ITSN1: variants seen among roughly 807,000 people sequenced by gnomAD.
The protein encoded by ITSN1 is intersectin 1, also known as intersectin-1.
Under a neutral mutation model 239.8 loss-of-function variants are expected in ITSN1, and 58 were observed. The observed-to-expected ratio is 0.24, with a 90% CI of 0.20 to 0.30. The LOEUF (loss-of-function observed/expected upper bound fraction) is 0.30, where lower values mean the gene tolerates loss of function less well. Among genes scored for constraint, ITSN1 ranks in the 10% least tolerant of loss-of-function variants. ITSN1 has a pLI of 1.00. For missense variants in ITSN1, 1,558 were observed against 2,103.3 expected, an observed-to-expected ratio of 0.74 and a Z score of 5.07; for synonymous variants, 780 against 770.8, an observed-to-expected ratio of 1.01 and a Z score of -0.20.
At chr21:33,717,234 T>C (rs987953327) in intron 1 of ITSN1, among the ~76,000 whole-genome samples, 35 of 152,044 alleles carry the variant, frequency 2.3e-4, no homozygotes, top group African/African-American at 8.5e-4. Flanking sequence ...CTCTCTCCAG[T>C]TGCTCAGGCT....
At chr21:33,711,645 C>G (rs1021984894) in intron 1 of ITSN1, among the ~76,000 whole-genome samples, 1 of 107,948 alleles carries the variant, frequency 9.3e-6, no homozygotes, top group Non-Finnish European at 1.9e-5. Flanking sequence ...ATGTCTTTTT[C>G]TGTGTGTTGT....
In ITSN1 at chr21:33,826,000, C is replaced by T. The variant is rs115533696; in HGVS notation, c.3184-818C>T. On this transcript the variant is annotated intron_variant, in intron 25 of 39. Transcript: ENST00000381318. Reference sequence around the variant, plus strand: ...TGCTTAATTTACTGCAAGATAGACTCAAGCATAAATTAATTTAGAATAAAG... The same window carrying T: ...TGCTTAATTTACTGCAAGATAGACTTAAGCATAAATTAATTTAGAATAAAG... 2.6e-3 allele frequency among the ~76,000 whole-genome samples: 393 copies of T among 152,286 alleles called. 2 individuals are homozygous for T. Among genetic ancestry groups the T allele is most frequent in the African/African-American group, 9.0e-3 (373 of 41,550 alleles).
intron 29 of ITSN1, chr21:33,838,394 G>T (rs2074705320): frequency 3.0e-6 from 3 of 984,422 alleles, no homozygotes; most frequent in Non-Finnish European, 3.6e-6. Flanking sequence ...TCACGGATAT[G>T]AATGTAAAAT....
rs139672598 is a variant in ITSN1 at position 33,836,387 on chromosome 21, G to A, written c.3470-54G>A. On this transcript the variant is annotated intron_variant, in intron 28 of 39. Transcript: ENST00000381318. ...AATGTTGAATGGCTGCGCGGTACCC[G>A]TTGTGCATTCTCCGGCGGGTGTGCA... The A allele has an allele frequency of 2.0e-5, 28 of 1,380,496 alleles. No individual in the cohort carries two copies. In the East Asian group the frequency reaches 2.1e-4, roughly 10 times the overall value. The allele number at this position is 1,380,496 out of a possible 1,614,324, so 85.5% of individuals were successfully genotyped here. A position where few individuals can be genotyped will look rare whatever the true frequency, so the allele number is the denominator to read the frequency against.
intron 1 of ITSN1, among the ~76,000 whole-genome samples, chr21:33,644,777 A>G (rs1330501132): frequency 2.0e-5 from 3 of 151,774 alleles, no homozygotes; most frequent in Admixed American, 6.6e-5. Flanking sequence ...GGGACAAACT[A>G]TCAAGCCTCC....
intron 9 of ITSN1, among the ~76,000 whole-genome samples, chr21:33,762,250 CCTGT>C (rs1386318961): frequency 6.6e-6 from 1 of 151,800 alleles, no homozygotes; most frequent in Admixed American, 6.6e-5. Flanking sequence ...CTTGGCTCTC[CCTGT>C]CTTTGATTTC....
chr21:33,761,313 T>TGA (rs2068307490), intron 8 of ITSN1, among the ~76,000 whole-genome samples: 1 of 152,164 alleles, frequency 6.6e-6, no homozygotes, highest in Non-Finnish European at 1.5e-5. Context: ...GCCATCTGCC[T>TGA]GCCTCAGCCT....
chr21:33,862,164 CAAAAAAAAAA>C (rs59129090), intron 31 of ITSN1, among the ~76,000 whole-genome samples: 2 of 79,818 alleles, frequency 2.5e-5, no homozygotes, highest in Non-Finnish European at 4.5e-5. Flanking sequence ...GACTGTGTCA[CAAAAAAAAAA>C]AAAAAAAAAA....
At chr21:33,786,800 C>T (rs994200239) in intron 16 of ITSN1, among the ~76,000 whole-genome samples, 1 of 152,138 alleles carries the variant, frequency 6.6e-6, no homozygotes, top group African/African-American at 2.4e-5. Context: ...TGTGAATGGC[C>T]GTTTACATTT....
At chr21:33,698,212 C>A (rs543687687) in intron 1 of ITSN1, among the ~76,000 whole-genome samples, 1 of 152,276 alleles carries the variant, frequency 6.6e-6, no homozygotes, top group South Asian at 2.1e-4. Context: ...GGAAAGTAAG[C>A]AGGAGTAAAG....
intron 36 of ITSN1, among the ~76,000 whole-genome samples, chr21:33,883,960 T>C (rs1181322138): frequency 2.7e-5 from 4 of 149,296 alleles, no homozygotes; most frequent in Non-Finnish European, 5.9e-5. Flanking sequence ...AGTGCAGTAG[T>C]GCAGTCACAG....
rs1045552436 is a variant in ITSN1 at position 33,892,043 on chromosome 21, T to C, written c.*3743T>C. On this transcript the variant is annotated 3_prime_UTR_variant, in exon 40 of 40. Coordinates refer to ENST00000381318, the MANE Select transcript of ITSN1 (RefSeq NM_003024.3). ...TTTTACATGAATACCTGGTGTGCTT[T>C]GGATGTAACAGGGTCATTTTGGGCT... 1.3e-5 allele frequency: 2 copies of C among 152,238 alleles called. No individual in the cohort carries two copies. Among genetic ancestry groups the C allele is most frequent in the African/African-American group, 4.8e-5 (2 of 41,460 alleles). 9.4% of individuals were successfully genotyped at this position (152,238 alleles called of 1,614,324 possible).
intron 11 of ITSN1, among the ~76,000 whole-genome samples, chr21:33,769,590 A>G (rs1413144179): frequency 2.6e-5 from 4 of 152,150 alleles, no homozygotes; most frequent in Admixed American, 6.5e-5. Context: ...TCTTCGTAGC[A>G]TGCAGACAGC....
chr21:33,869,729 T>C (rs28437754), intron 33 of ITSN1, among the ~76,000 whole-genome samples: 56,973 of 151,952 alleles, frequency 0.37, 11,286 homozygotes, highest in East Asian at 0.51. Context: ...TTCCTTTTAA[T>C]GGAAAATGGT....
At chr21:33,673,174 T>C (rs2090399191) in intron 1 of ITSN1, among the ~76,000 whole-genome samples, 1 of 152,110 alleles carries the variant, frequency 6.6e-6, no homozygotes, top group African/African-American at 2.4e-5. Context: ...AAGAAAAATA[T>C]TGCAAGATCT....
At position 33,761,799 on chromosome 21, in the gene ITSN1, TG is replaced by T. The variant is rs376013940; in HGVS notation, c.725-123del. ...ACAAAGCCCCTGCGGTAGTAGCAAATGTTATTTAAAGCATTGTGATTGCATG... is the reference window on the plus strand; with the variant it reads ...ACAAAGCCCCTGCGGTAGTAGCAAATTTATTTAAAGCATTGTGATTGCATG... On this transcript the variant is annotated intron_variant, in intron 8 of 39. Coordinates refer to ENST00000381318, the MANE Select transcript of ITSN1 (RefSeq NM_003024.3). The T allele has an allele frequency of 6.6e-4, 454 of 683,210 alleles. 2 individuals are homozygous for T. The African/African-American group carries it at 6.8e-3, about 10-fold the overall frequency. 42.3% of individuals were successfully genotyped at this position (683,210 alleles called of 1,614,324 possible).
At chr21:33,645,037 G>T (rs2087809308) in intron 1 of ITSN1, among the ~76,000 whole-genome samples, 1 of 152,024 alleles carries the variant, frequency 6.6e-6, no homozygotes, top group Non-Finnish European at 1.5e-5. Context: ...GCTCAGGCTG[G>T]TCTAAAACGC....
intron 15 of ITSN1, 103 bp downstream of exon 15, chr21:33,781,651 G>A: frequency 1.5e-6 from 1 of 680,426 alleles, no homozygotes; most frequent in South Asian, 2.1e-5. Flanking sequence ...CGCAATCTCG[G>A]CCAACTGTAA....
intron 1 of ITSN1, among the ~76,000 whole-genome samples, chr21:33,653,441 G>A (rs2088735948): frequency 6.6e-6 from 1 of 152,124 alleles, no homozygotes. Flanking sequence ...AAAAATTCTC[G>A]AGTTTTTCAT....
Sources: allele counts gnomAD v4.1 joint callset (sites outside exome capture counted in the v4.1 genomes callset), GRCh38; gene constraint gnomAD v4.1.1; transcripts MANE v1.5; gene names NCBI Gene and HGNC (gene_info 2026-07-23, HGNC 2026-07-21).